SERGEF: variants seen among roughly 807,000 people sequenced by gnomAD.
SERGEF encodes secretion-regulating guanine nucleotide exchange factor.
In SERGEF, 51 loss-of-function variants were observed where a neutral mutation model predicts 50.0. That is an observed-to-expected ratio of 1.02 (90% CI 0.81 to 1.29). The LOEUF is 1.29. Ranked by LOEUF, SERGEF falls within the 50% of genes most tolerant of loss-of-function variation. SERGEF has a pLI of 0.00. For missense variants in SERGEF, 521 were observed against 557.0 expected (o/e 0.94, Z 0.65); for synonymous variants, 205 against 212.4 (o/e 0.97, Z 0.30).
At chr11:18,002,963 T>TAAAGTATAATTAAGCTAAATTAATTATAA (rs1331429397) in intron 4 of SERGEF, among the ~76,000 whole-genome samples, 9 of 152,262 alleles carry the variant, frequency 5.9e-5, no homozygotes, top group African/African-American at 2.2e-4. Flanking sequence ...CTTAATTATA[T>TAAAGTATAATTAAGCTAAATTAATTATAA]AAAGTATAAT....
chr11:17,906,520 G>A (rs1851843925), intron 9 of SERGEF, among the ~76,000 whole-genome samples: 1 of 152,102 alleles, frequency 6.6e-6, no homozygotes, highest in Non-Finnish European at 1.5e-5. Flanking sequence ...GAGCTAAGTG[G>A]GGGTGGGGCG....
At chr11:18,008,723 G>A (rs1854134206) in intron 1 of SERGEF, among the ~76,000 whole-genome samples, 1 of 151,672 alleles carries the variant, frequency 6.6e-6, no homozygotes, top group South Asian at 2.1e-4. Flanking sequence ...TGGGCTACGA[G>A]TCGTTGGCAG....
chr11:17,799,964 C>T (rs1366104906), intron 10 of SERGEF, among the ~76,000 whole-genome samples: 1 of 152,184 alleles, frequency 6.6e-6, no homozygotes, highest in East Asian at 1.9e-4. Context: ...GAAAGATTTG[C>T]TCAGGAAGAC....
At chr11:17,821,487 G>A (rs942462522) in intron 10 of SERGEF, among the ~76,000 whole-genome samples, 1 of 152,100 alleles carries the variant, frequency 6.6e-6, no homozygotes, top group African/African-American at 2.4e-5. Context: ...CATGGCACCA[G>A]GTAGACGGTA....
chr11:17,904,548 C>A (rs1174050440), intron 9 of SERGEF, among the ~76,000 whole-genome samples: 1 of 152,180 alleles, frequency 6.6e-6, no homozygotes, highest in Non-Finnish European at 1.5e-5. Flanking sequence ...TCTATTCAAA[C>A]CATTTCTATG....
chr11:17,952,979 CCT>C (rs1381867599), intron 9 of SERGEF, among the ~76,000 whole-genome samples: 2 of 152,234 alleles, frequency 1.3e-5, no homozygotes, highest in East Asian at 1.9e-4. Flanking sequence ...CCAAGATTCC[CCT>C]GTTACTTTAC....
intron 8 of SERGEF, among the ~76,000 whole-genome samples, chr11:17,965,914 GCTGCAAGGATA>G (rs1428253908): frequency 2.0e-5 from 3 of 152,206 alleles, no homozygotes; most frequent in Non-Finnish European, 4.4e-5. Context: ...TTGCAGCATT[GCTGCAAGGATA>G]CTTTTCCATA....
At chr11:17,858,320 G>T (rs1051320335) in intron 10 of SERGEF, among the ~76,000 whole-genome samples, 2 of 152,104 alleles carry the variant, frequency 1.3e-5, no homozygotes. Context: ...ATCAGAGGGT[G>T]GGAGTGAGGA....
chr11:18,002,458 C>T (rs917872981), intron 4 of SERGEF, among the ~76,000 whole-genome samples: 2 of 152,200 alleles, frequency 1.3e-5, no homozygotes, highest in East Asian at 1.9e-4. Context: ...AAACTACTTA[C>T]GATATCCCAA....
intron 10 of SERGEF, chr11:17,854,692 CCTT>C (rs1195220171): frequency 6.6e-6 from 1 of 152,042 alleles, no homozygotes; most frequent in Non-Finnish European, 1.5e-5. Context: ...ATTTGCATCT[CCTT>C]CTGGGTCTGT....
At chr11:17,808,758 G>A (rs1849812005) in intron 10 of SERGEF, among the ~76,000 whole-genome samples, 1 of 152,200 alleles carries the variant, frequency 6.6e-6, no homozygotes, top group Non-Finnish European at 1.5e-5. Context: ...CCCAGCAGGG[G>A]CCAACTTCGT....
chr11:18,001,275 C>G (rs1161366226), intron 4 of SERGEF, among the ~76,000 whole-genome samples: 2 of 152,200 alleles, frequency 1.3e-5, no homozygotes, highest in African/African-American at 4.8e-5. Flanking sequence ...CTCCTCCCTT[C>G]AAGATGTGGA....
At chr11:17,944,845 A>G (rs952917270) in intron 9 of SERGEF, among the ~76,000 whole-genome samples, 2 of 152,258 alleles carry the variant, frequency 1.3e-5, no homozygotes, top group African/African-American at 2.4e-5. Flanking sequence ...CTTCATTATT[A>G]TAATTAAGAT....
intron 10 of SERGEF, among the ~76,000 whole-genome samples, chr11:17,872,920 G>A (rs184729410): frequency 6.7e-6 from 1 of 149,488 alleles, no homozygotes; most frequent in Non-Finnish European, 1.5e-5. Flanking sequence ...GTAAAAGGAA[G>A]GATAAAAACA....
At chr11:17,968,190 G>T (rs1374180665) in intron 8 of SERGEF, among the ~76,000 whole-genome samples, 1 of 152,178 alleles carries the variant, frequency 6.6e-6, no homozygotes, top group Non-Finnish European at 1.5e-5. Flanking sequence ...AGTGTTTGTT[G>T]AACAGTAGGA....
rs1851482210 is a variant in SERGEF, at chr11:17,888,831, A to C, written c.1012-10587T>G. 6.6e-6 allele frequency among the ~76,000 whole-genome samples: 1 copy of C among 152,190 alleles called. No homozygotes were observed. The highest frequency in any genetic ancestry group is 1.5e-5 in the Non-Finnish European group (1 of 68,028). ...AAAGGCTGATTCTAGGGTTGGGATG[A>C]GGAAAGAACAGTTTGAGCCTGGAAC... On this transcript the variant is annotated intron_variant, in intron 9 of 10. Transcript: ENST00000265965. This position sits in a 1 kb window ranked among gnomAD's most constrained non-coding sequence, Gnocchi z 4.1.
intron 10 of SERGEF, among the ~76,000 whole-genome samples, chr11:17,825,727 G>A (rs1850180771): frequency 6.6e-6 from 1 of 152,174 alleles, no homozygotes; most frequent in South Asian, 2.1e-4. Flanking sequence ...CAGAGAGAAT[G>A]GGGACTGGTA....
intron 9 of SERGEF, among the ~76,000 whole-genome samples, chr11:17,916,984 C>T (rs1852059759): frequency 6.6e-6 from 1 of 152,194 alleles, no homozygotes; most frequent in Non-Finnish European, 1.5e-5. Flanking sequence ...TAAACTAGTA[C>T]AGCCACTACA....
intron 9 of SERGEF, among the ~76,000 whole-genome samples, chr11:17,883,868 T>C (rs1851379707): frequency 2.0e-5 from 3 of 152,174 alleles, no homozygotes; most frequent in Admixed American, 2.0e-4. Flanking sequence ...CAAAGTTCTG[T>C]CGCCTGCCCT....
Sources: allele counts gnomAD v4.1 joint callset (sites outside exome capture counted in the v4.1 genomes callset), GRCh38; gene constraint gnomAD v4.1.1; non-coding constraint Gnocchi (gnomAD v3.1); transcripts MANE v1.5; gene names NCBI Gene and HGNC (gene_info 2026-07-23, HGNC 2026-07-21).